The following MME variants were observed in gnomAD, a reference collection of about 807,000 sequenced individuals.
The protein encoded by MME is membrane metalloendopeptidase, also known as neprilysin.
Under a neutral mutation model 113.2 loss-of-function variants are expected in MME, and 98 were observed. The observed-to-expected ratio is 0.87, with a 90% CI of 0.74 to 1.02. The LOEUF is 1.02. Among genes scored for constraint, MME ranks in the 50% least tolerant of loss-of-function variants. MME has a pLI of 0.00. For missense variants in MME, 836 were observed against 896.0 expected (o/e 0.93, Z 0.86); for synonymous variants, 292 against 300.6 (o/e 0.97, Z 0.30).
In MME at chr3:155,140,248, T is replaced by C. The variant is rs186988707; in HGVS notation, c.913T>C (p.Leu305=). 1.2e-5 allele frequency: 20 copies of C among 1,613,014 alleles called. No homozygotes were observed. Among genetic ancestry groups the C allele is most frequent in the African/African-American group, 6.7e-5 (5 of 75,000 alleles). Residue 305 remains leucine (L), a synonymous_variant, in exon 10 of 23, where the codon TTG becomes CTG. Coordinates refer to ENST00000360490, the MANE Select transcript of MME (RefSeq NM_007289.4). ...DPMLLYNKMT[L]AQIQNNFSLE... ...AATGCTTCTGTATAACAAGATGACA[T>C]TGGCCCAGATCCAAAATAACTTTTC...
At chr3:155,079,800 C>G (rs1419594542), upstream of MME, 1 of 152,636 alleles carries the variant, frequency 6.6e-6, no homozygotes, top group African/African-American at 2.4e-5. Context: ...CCAGGTGCCT[C>G]GTCGCCCCAC....
rs1385319177 is a variant in MME, at chr3:155,142,300, C to T, written c.1158C>T (p.Thr386=). 1 of 1,613,462 alleles carries T rather than the reference C, an allele frequency of 6.2e-7. No individual in the cohort carries two copies. Among genetic ancestry groups the T allele is most frequent in the East Asian group, 2.2e-5 (1 of 44,850 alleles). The change falls in exon 12 of 23, where the codon ACC becomes ACT. Residue 386 remains threonine, a synonymous_variant. Transcript: ENST00000360490. The stretch of plus-strand genomic sequence containing the variant: ...ATCTTGTAAGCAGCCTCAGCCGAAC[C>T]TACAAGGAGTCCAGAAATGCTTTCC... The part of the protein sequence containing the change: ...IMDLVSSLSR[T]YKESRNAFRK...
At chr3:155,076,670 G>A (rs1714759752), upstream of MME, among the ~76,000 whole-genome samples, 1 of 152,198 alleles carries the variant, frequency 6.6e-6, no homozygotes, top group Non-Finnish European at 1.5e-5. Context: ...AGCAGCATAG[G>A]CGGCTTGACT....
At chr3:155,085,264 T>G (rs1715580333) in intron 3 of MME, 170 bp downstream of exon 3, 1 of 505,044 alleles carries the variant, frequency 2.0e-6, no homozygotes, top group Non-Finnish European at 3.5e-6. Context: ...AGTAGATTAA[T>G]TAACTTGTTT....
At chr3:155,079,201 A>C (rs1012192317), upstream of MME, among the ~76,000 whole-genome samples, 2 of 152,046 alleles carry the variant, frequency 1.3e-5, no homozygotes, top group Non-Finnish European at 2.9e-5. Flanking sequence ...GGAGAGTAAG[A>C]AAAAAGAAAA....
intron 1 of MME, among the ~76,000 whole-genome samples, chr3:155,049,709 A>G (rs1000687708): frequency 6.6e-6 from 1 of 152,086 alleles, no homozygotes; most frequent in African/African-American, 2.4e-5. Context: ...GTAGAAATAT[A>G]AGTAAAAGGA....
At chr3:155,089,927 T>C in intron 3 of MME, 1 of 434,170 alleles carries the variant, frequency 2.3e-6, no homozygotes, top group Non-Finnish European at 4.7e-6. Flanking sequence ...ACGACTGCAC[T>C]CCAGCCTGGA....
chr3:155,085,813 G>A (rs1236040960), intron 3 of MME: 1 of 152,344 alleles, frequency 6.6e-6, no homozygotes, highest in African/African-American at 2.4e-5. Flanking sequence ...TTACAGGCGT[G>A]AGCCACCGCA....
At chr3:155,168,824 T>C in intron 20 of MME, 27 bp downstream of exon 20, 1 of 1,567,282 alleles carries the variant, frequency 6.4e-7, no homozygotes, top group Non-Finnish European at 8.8e-7. Flanking sequence ...TTCTTTCCAT[T>C]TTAGTGATTT....
upstream of MME, among the ~76,000 whole-genome samples, chr3:155,078,659 ATGTGTG>A (rs5853711): frequency 6.8e-4 from 96 of 141,916 alleles, no homozygotes; most frequent in African/African-American, 1.3e-3. Context: ...ATGTGTGTGT[ATGTGTG>A]TGTGTGTGTG....
Position 155,172,529 on chromosome 3 carries a change from T to G in MME, c.2077-7T>G. The G allele has an allele frequency of 3.1e-6, 5 of 1,605,960 alleles. No individual in the cohort carries two copies. The highest frequency in any genetic ancestry group is 4.3e-6 in the Non-Finnish European group (5 of 1,172,760). On this transcript the variant is annotated splice_region_variant and splice_polypyrimidine_tract_variant and intron_variant, in intron 21 of 22. Transcript: ENST00000360490. ...ACATGCTTTGCTTTTCCTATTCCTA[T>G]CTCTAGGTGTGGTGTGGAACCTATA...
At chr3:155,085,790 C>G (rs1354640957) in intron 3 of MME, 1 of 152,430 alleles carries the variant, frequency 6.6e-6, no homozygotes, top group Non-Finnish European at 1.5e-5. Context: ...CTCGGCCTCA[C>G]AAAGTGCTGG....
intron 1 of MME, among the ~76,000 whole-genome samples, chr3:155,072,618 A>G (rs571900133): frequency 6.6e-6 from 1 of 152,278 alleles, no homozygotes; most frequent in South Asian, 2.1e-4. Context: ...GTTATTTTGT[A>G]TTCTGTGCAG....
At chr3:155,164,373 T>C (rs1378107563) in intron 17 of MME, among the ~76,000 whole-genome samples, 1 of 151,998 alleles carries the variant, frequency 6.6e-6, no homozygotes, top group African/African-American at 2.4e-5. Context: ...ATCATGAACA[T>C]AAAAAATGCA....
At chr3:155,097,597 A>G (rs1364308529) in intron 3 of MME, among the ~76,000 whole-genome samples, 3 of 152,188 alleles carry the variant, frequency 2.0e-5, no homozygotes, top group Non-Finnish European at 2.9e-5. Context: ...TCCAGAGAAA[A>G]GAATATAGGA....
chr3:155,094,397 C>T (rs1294267674), intron 3 of MME, among the ~76,000 whole-genome samples: 3 of 152,134 alleles, frequency 2.0e-5, no homozygotes, highest in African/African-American at 2.4e-5. Context: ...TCATGTTACA[C>T]GCCCTTCAGG....
chr3:155,158,791 T>C (rs1017159451), intron 16 of MME: 2 of 151,986 alleles, frequency 1.3e-5, no homozygotes, highest in Non-Finnish European at 2.9e-5. Context: ...ATTATATTGT[T>C]GTAATCATCA....
upstream of MME, among the ~76,000 whole-genome samples, chr3:155,079,352 G>A (rs545022663): frequency 2.0e-5 from 3 of 152,208 alleles, no homozygotes; most frequent in South Asian, 2.1e-4. Context: ...GGGGAGAGAT[G>A]GAGCCCCCTC....
At chr3:155,083,685 G>T in intron 1 of MME, 1 of 164,058 alleles carries the variant, frequency 6.1e-6, no homozygotes, top group Non-Finnish European at 1.3e-5. Flanking sequence ...TCAAATTATT[G>T]CTTAGTCAAA....
Sources: allele counts gnomAD v4.1 joint callset (sites outside exome capture counted in the v4.1 genomes callset), GRCh38; gene constraint gnomAD v4.1.1; transcripts MANE v1.5; gene names NCBI Gene and HGNC (gene_info 2026-07-23, HGNC 2026-07-21).